The following PCDHAC1 variants were observed in gnomAD, a reference collection of about 807,000 sequenced individuals.
PCDHAC1 encodes protocadherin alpha subfamily C, 1.
Under a neutral mutation model 60.0 loss-of-function variants are expected in PCDHAC1, and 42 were observed. That is an observed-to-expected ratio of 0.70 (90% CI 0.55 to 0.90). PCDHAC1 has a LOEUF of 0.90. Among genes scored for constraint, PCDHAC1 ranks in the 40% least tolerant of loss-of-function variants. The pLI, the probability that PCDHAC1 is intolerant of heterozygous loss-of-function variation, is 0.00. For missense variants in PCDHAC1, 1,160 were observed against 1,222.3 expected, an observed-to-expected ratio of 0.95 and a Z score of 0.76; for synonymous variants, 468 against 499.3, an observed-to-expected ratio of 0.94 and a Z score of 0.84.
intron 1 of PCDHAC1, chr5:140,967,981 G>A (rs1192553799): frequency 4.3e-6 from 7 of 1,614,084 alleles, no homozygotes; most frequent in African/African-American, 1.3e-5. Flanking sequence ...TGGGTCTGGA[G>A]GCCACACTGC....
intron 1 of PCDHAC1, among the ~76,000 whole-genome samples, chr5:140,971,657 G>A (rs961666289): frequency 1.3e-5 from 2 of 151,992 alleles, no homozygotes; most frequent in African/African-American, 4.8e-5. Flanking sequence ...AAGTAGATGG[G>A]AATTAGAGAG....
At chr5:140,965,356 A>T (rs1554227617) in intron 1 of PCDHAC1, among the ~76,000 whole-genome samples, 3 of 152,194 alleles carry the variant, frequency 2.0e-5, no homozygotes, top group African/African-American at 7.2e-5. Flanking sequence ...CCTCTATAGC[A>T]GTACAAGAGG....
At chr5:140,999,837 A>T (rs2097878885) in intron 3 of PCDHAC1, among the ~76,000 whole-genome samples, 1 of 152,206 alleles carries the variant, frequency 6.6e-6, no homozygotes, top group Non-Finnish European at 1.5e-5. Context: ...AAATATGCCA[A>T]GTGTATTTAT....
chr5:140,997,123 A>T (rs1409528818), intron 3 of PCDHAC1, among the ~76,000 whole-genome samples: 1 of 152,070 alleles, frequency 6.6e-6, no homozygotes, highest in African/African-American at 2.4e-5. Flanking sequence ...TCCCACATAC[A>T]CAATGCCCCC....
chr5:140,972,829 A>G (rs1554234573), intron 1 of PCDHAC1, among the ~76,000 whole-genome samples: 1 of 151,808 alleles, frequency 6.6e-6, no homozygotes, highest in Non-Finnish European at 1.5e-5. Flanking sequence ...ACGCCTGGCT[A>G]ATTTTTGTAT....
intron 1 of PCDHAC1, chr5:140,968,785 T>G: frequency 6.2e-7 from 1 of 1,614,226 alleles, no homozygotes; most frequent in Non-Finnish European, 8.5e-7. Flanking sequence ...TATCAGCCTC[T>G]GTGGCCATTA....
chr5:140,968,868 A>G, intron 1 of PCDHAC1: 6 of 1,614,140 alleles, frequency 3.7e-6, no homozygotes, highest in Non-Finnish European at 5.1e-6. Flanking sequence ...CCTCGGACAT[A>G]CTCTGAAATT....
intron 1 of PCDHAC1, among the ~76,000 whole-genome samples, chr5:140,938,751 C>A (rs943916265): frequency 6.6e-6 from 1 of 151,978 alleles, no homozygotes; most frequent in Non-Finnish European, 1.5e-5. Flanking sequence ...TTTTTAAAGG[C>A]ATAGTTATTG....
At chr5:140,946,868 T>C (rs1468330981) in intron 1 of PCDHAC1, among the ~76,000 whole-genome samples, 1 of 151,412 alleles carries the variant, frequency 6.6e-6, no homozygotes, top group Admixed American at 6.6e-5. Context: ...GAGAGGTTGG[T>C]CAATGGGTAC....
Position 141,009,722 on chromosome 5 carries a change from G to T in PCDHAC1, c.2677G>T (p.Gly893Cys), listed in dbSNP as rs552954748. 6.8e-6 allele frequency: 11 copies of T among 1,614,022 alleles called. No individual in the cohort carries two copies. The highest frequency in any genetic ancestry group is 9.3e-6 in the Non-Finnish European group (11 of 1,180,046). Residue 893 changes from glycine (G) to cysteine (C), a missense_variant, in exon 4 of 4, where the codon GGT becomes TGT. Gly to Cys is a radical substitution (Grantham distance 159). Transcript: ENST00000253807. ...CGGACCAGGCAACCCCAAACAATCC[G>T]GTCCCGGTGAGTTGCCCGACAAATT... ...KYGPGNPKQS[G>C]PGELPDKFII...
intron 2 of PCDHAC1, among the ~76,000 whole-genome samples, chr5:140,980,159 A>G (rs2153821002): frequency 6.6e-6 from 1 of 152,326 alleles, no homozygotes; most frequent in Admixed American, 6.5e-5. Context: ...ATACCAGAAT[A>G]TTAGGTATCA....
intron 1 of PCDHAC1, among the ~76,000 whole-genome samples, chr5:140,939,692 A>T (rs2092437980): frequency 6.6e-6 from 1 of 152,222 alleles, no homozygotes; most frequent in African/African-American, 2.4e-5. Context: ...GTGTTGCTGG[A>T]CATTATCATT....
At chr5:140,947,767 C>A (rs1585277827) in intron 1 of PCDHAC1, among the ~76,000 whole-genome samples, 1 of 151,486 alleles carries the variant, frequency 6.6e-6, no homozygotes, top group East Asian at 1.9e-4. Context: ...TTAAAAAATT[C>A]TATTGTAAAT....
intron 1 of PCDHAC1, among the ~76,000 whole-genome samples, chr5:140,931,298 AAG>A (rs2087432571): frequency 6.6e-6 from 1 of 152,144 alleles, no homozygotes; most frequent in African/African-American, 2.4e-5. Context: ...CTGTAACAAA[AAG>A]AGAGGAGAAT....
intron 1 of PCDHAC1, among the ~76,000 whole-genome samples, chr5:140,972,039 C>A (rs1274808907): frequency 2.6e-5 from 4 of 152,150 alleles, no homozygotes; most frequent in African/African-American, 9.7e-5. Context: ...TTTAAGCTAT[C>A]ACTAATTCAC....
chr5:140,970,059 G>C (rs2096380498), intron 1 of PCDHAC1, among the ~76,000 whole-genome samples: 1 of 152,150 alleles, frequency 6.6e-6, no homozygotes. Context: ...GTCCAGGGAG[G>C]TATTAGAATG....
rs1554203972 is a variant in PCDHAC1, at chr5:140,927,049, C to T, written c.157C>T (p.Arg53Trp). The T allele has an allele frequency of 3.1e-6, 5 of 1,611,932 alleles. No homozygotes were observed. Among genetic ancestry groups the T allele is most frequent in the Non-Finnish European group, 4.2e-6 (5 of 1,178,700 alleles). The change falls in exon 1 of 4, where the codon CGG (arginine) becomes TGG (tryptophan). Residue 53 changes from arginine to tryptophan, a missense_variant. By Grantham distance (101) the Arg-to-Trp change is moderately radical (BLOSUM62 -3). Coordinates refer to ENST00000253807, the MANE Select transcript of PCDHAC1 (RefSeq NM_018898.5). ...LRLPAAAMSS[R>W]NFRFLSSHRE... The stretch of plus-strand genomic sequence containing the variant: ...GCTGCCAGCGGCCGCTATGTCCTCG[C>T]GGAACTTTCGCTTCCTTTCCAGCCA...
Position 140,988,326 on chromosome 5 carries a change from G to A in PCDHAC1, c.2581+5763G>A, listed in dbSNP as rs144904425. 8.4e-3 allele frequency among the ~76,000 whole-genome samples: 1,281 copies of A among 152,296 alleles called. 12 individuals carry two copies. The highest frequency in any genetic ancestry group is 0.014 in the Non-Finnish European group (960 of 68,020). ...CAGCTTGGCTTGGCTTTCTCTACCC[G>A]AGGAAAGTAAGTCCTTTTAAGATGC... On this transcript the variant is annotated intron_variant, in intron 3 of 3. Coordinates refer to ENST00000253807, the MANE Select transcript of PCDHAC1 (RefSeq NM_018898.5).
chr5:140,966,022 T>G (rs2095958244), intron 1 of PCDHAC1, among the ~76,000 whole-genome samples: 1 of 151,842 alleles, frequency 6.6e-6, no homozygotes, highest in South Asian at 2.1e-4. Flanking sequence ...GATGTGGGAG[T>G]CAGGTGAATA....
Sources: gnomAD v4.1 joint callset for allele counts (sites outside exome capture counted in the v4.1 genomes callset) on GRCh38, gnomAD v4.1.1 for gene constraint, MANE v1.5 for transcripts, NCBI Gene and HGNC (gene_info 2026-07-23, HGNC 2026-07-21) for gene names.